Variants in DKK2 observed in about 807,000 individuals in gnomAD.
The protein encoded by DKK2 is dickkopf Wnt signaling pathway inhibitor 2, also known as dickkopf-related protein 2.
In DKK2, 11 loss-of-function variants were observed where a neutral mutation model predicts 28.1. The ratio of observed to expected loss-of-function variants is 0.39; its 90% CI spans 0.25 to 0.65. The LOEUF (loss-of-function observed/expected upper bound fraction) is 0.65. Ranked by LOEUF, DKK2 falls within the 30% of genes least tolerant of loss-of-function variation. The pLI is 0.47. For missense variants in DKK2, 326 were observed against 335.5 expected, an observed-to-expected ratio of 0.97 and a Z score of 0.22; for synonymous variants, 135 against 126.5, an observed-to-expected ratio of 1.07 and a Z score of -0.45.
At chr4:106,947,378 C>T (rs866399923) in intron 1 of DKK2, among the ~76,000 whole-genome samples, 2 of 151,996 alleles carry the variant, frequency 1.3e-5, no homozygotes, top group Non-Finnish European at 2.9e-5. Flanking sequence ...TGAAAGGTAC[C>T]GTACCCTGTG....
intron 1 of DKK2, among the ~76,000 whole-genome samples, chr4:107,008,335 G>A (rs1723467186): frequency 6.6e-6 from 1 of 152,076 alleles, no homozygotes; most frequent in Admixed American, 6.6e-5. Flanking sequence ...AATGGGAAGT[G>A]AGCAGTAATA....
chr4:107,027,973 C>T (rs1381727195), intron 1 of DKK2, among the ~76,000 whole-genome samples: 7 of 151,842 alleles, frequency 4.6e-5, no homozygotes, highest in Non-Finnish European at 7.4e-5. Flanking sequence ...AGGATGGTCT[C>T]GATCTCCTGA....
rs556258883 is a variant in DKK2, at chr4:107,033,384, CA to C, written c.222+1985del. ...GTAGACTTCCAAACTCTTTAAGAAG[CA>C]TAATTAAGTAGCTATTTGGAGAGGT... is the stretch of plus-strand genomic sequence containing the variant. On this transcript the variant is annotated intron_variant, in intron 1 of 3. Coordinates refer to ENST00000285311, the MANE Select transcript of DKK2 (RefSeq NM_014421.3). 4.6e-3 allele frequency among the ~76,000 whole-genome samples: 703 copies of C among 152,150 alleles called. 7 individuals carry two copies. The highest frequency in any genetic ancestry group is 4.8e-3 in the Non-Finnish European group (329 of 67,996).
intron 3 of DKK2, 125 bp from the exon 4 acceptor site, chr4:106,924,329 G>A: frequency 2.2e-6 from 3 of 1,380,540 alleles, no homozygotes; most frequent in Non-Finnish European, 1.9e-6. Flanking sequence ...CATTTATAAT[G>A]AAAAGTCTTG....
intron 1 of DKK2, among the ~76,000 whole-genome samples, chr4:106,965,094 G>T (rs1409087703): frequency 1.3e-5 from 2 of 151,970 alleles, no homozygotes; most frequent in African/African-American, 4.8e-5. Context: ...TAGGATAAAG[G>T]TAAAATAAGA....
chr4:106,981,651 A>AT (rs1232606807), intron 1 of DKK2, among the ~76,000 whole-genome samples: 2 of 151,856 alleles, frequency 1.3e-5, no homozygotes, highest in Admixed American at 1.3e-4. Flanking sequence ...TTTACTTCCC[A>AT]TTGTCTCCTC....
chr4:106,982,452 G>A (rs774408120), intron 1 of DKK2, among the ~76,000 whole-genome samples: 5 of 152,116 alleles, frequency 3.3e-5, no homozygotes, highest in Non-Finnish European at 7.4e-5. Context: ...GTGAATCCGG[G>A]CTGCTAGTGC....
chr4:107,011,109 A>C (rs1723511100), intron 1 of DKK2, among the ~76,000 whole-genome samples: 1 of 151,350 alleles, frequency 6.6e-6, no homozygotes, highest in South Asian at 2.1e-4. Context: ...GGAGTATTTT[A>C]ATAGCTTTTT....
chr4:106,941,108 T>TA (rs1259607258), intron 1 of DKK2, among the ~76,000 whole-genome samples: 1 of 151,210 alleles, frequency 6.6e-6, no homozygotes, highest in Non-Finnish European at 1.5e-5. Context: ...TAAAGTATAA[T>TA]AAAAAATAAA....
intron 1 of DKK2, among the ~76,000 whole-genome samples, chr4:106,965,740 C>G (rs1004908023): frequency 9.7e-5 from 11 of 113,200 alleles, no homozygotes; most frequent in African/African-American, 3.7e-4. Context: ...TGCTATCCCT[C>G]CCCCCTCCCC....
chr4:107,024,364 C>T (rs967858939), intron 1 of DKK2, among the ~76,000 whole-genome samples: 1 of 151,910 alleles, frequency 6.6e-6, no homozygotes, highest in African/African-American at 2.4e-5. Flanking sequence ...CCTGCAAGAA[C>T]AAAAAACTAA....
chr4:106,949,344 A>C (rs915372058), intron 1 of DKK2, among the ~76,000 whole-genome samples: 3 of 152,178 alleles, frequency 2.0e-5, no homozygotes, highest in Admixed American at 6.6e-5. Flanking sequence ...ACACCTGCAG[A>C]GCTCATAGTA....
intron 1 of DKK2, among the ~76,000 whole-genome samples, chr4:106,957,108 G>C (rs535041973): frequency 6.6e-6 from 1 of 151,900 alleles, no homozygotes; most frequent in African/African-American, 2.4e-5. Flanking sequence ...GAACAGACAC[G>C]TCTCAAAAGA....
chr4:106,946,953 T>C (rs541813798), intron 1 of DKK2, among the ~76,000 whole-genome samples: 1 of 152,188 alleles, frequency 6.6e-6, no homozygotes, highest in South Asian at 2.1e-4. Flanking sequence ...ACCAAAGGCC[T>C]ACTAATGTAG....
At chr4:106,960,475 A>G (rs1722670919) in intron 1 of DKK2, among the ~76,000 whole-genome samples, 1 of 152,136 alleles carries the variant, frequency 6.6e-6, no homozygotes, top group African/African-American at 2.4e-5. Flanking sequence ...GGAACAATGT[A>G]CACTACCCAG....
intron 1 of DKK2, among the ~76,000 whole-genome samples, chr4:107,004,146 CAG>C (rs1723403263): frequency 6.6e-6 from 1 of 152,152 alleles, no homozygotes; most frequent in African/African-American, 2.4e-5. Context: ...ACCACATAAG[CAG>C]AGTCAGTGAG....
In DKK2 at chr4:106,955,133, TA is replaced by T. The variant is rs552672500; in HGVS notation, c.223-29185del. Among the ~76,000 whole-genome samples the T allele has an allele frequency of 5.1e-3, 780 of 152,318 alleles. 3 individuals carry two copies. Among genetic ancestry groups the T allele is most frequent in the African/African-American group, 0.017 (725 of 41,564 alleles). On this transcript the variant is annotated intron_variant, in intron 1 of 3. Coordinates refer to ENST00000285311, the MANE Select transcript of DKK2 (RefSeq NM_014421.3). ...GACATAATGTACTATAATTTAATGT[TA>T]ATTATCTTAAAAATAATAAGTTACT...
chr4:107,012,276 T>G (rs754432826), intron 1 of DKK2, among the ~76,000 whole-genome samples: 1 of 151,400 alleles, frequency 6.6e-6, no homozygotes, highest in Non-Finnish European at 1.5e-5. Context: ...AAGAAGCAAA[T>G]AGATTAAAGA....
intron 1 of DKK2, among the ~76,000 whole-genome samples, chr4:107,029,275 T>A (rs996152462): frequency 6.6e-6 from 1 of 152,148 alleles, no homozygotes; most frequent in Non-Finnish European, 1.5e-5. Flanking sequence ...AAGCAGGTGG[T>A]TTGATATATG....
Sources: gnomAD v4.1 joint callset for allele counts (sites outside exome capture counted in the v4.1 genomes callset) on GRCh38, gnomAD v4.1.1 for gene constraint, MANE v1.5 for transcripts, NCBI Gene and HGNC (gene_info 2026-07-23, HGNC 2026-07-21) for gene names.